The following ADSS2 variants were observed in gnomAD, a reference collection of about 807,000 sequenced individuals.
ADSS2 encodes adenylosuccinate synthetase isozyme 2.
Under a neutral mutation model 60.0 loss-of-function variants are expected in ADSS2, and 30 were observed. The ratio of observed to expected loss-of-function variants is 0.50; its 90% CI spans 0.37 to 0.68. ADSS2 has a LOEUF of 0.68. Among genes scored for constraint, ADSS2 ranks in the 30% least tolerant of loss-of-function variants. ADSS2 has a pLI of 0.00. For synonymous variants in ADSS2, 187 were observed against 193.1 expected (o/e 0.97, Z 0.26); for missense variants, 373 against 554.8 (o/e 0.67, Z 3.29).
At chr1:244,423,256 G>T (rs918643811) in intron 6 of ADSS2, among the ~76,000 whole-genome samples, 3 of 152,058 alleles carry the variant, frequency 2.0e-5, no homozygotes, top group African/African-American at 7.3e-5. Context: ...AACAAAAGGG[G>T]GCAGTTTACA....
At chr1:244,420,129 C>G in intron 8 of ADSS2, 41 bp downstream of exon 8, 1 of 1,576,614 alleles carries the variant, frequency 6.3e-7, no homozygotes, top group Non-Finnish European at 8.6e-7. Context: ...CTACTTAGGG[C>G]TCAGTTAAGC....
chr1:244,417,647 T>C lies in ADSS2; in HGVS notation c.1051A>G (p.Met351Val). ...ACTCACGCAGTAAATCCATTGATCA[T>C]ATGAGCATATTTGAGCAAAACGAGG... ...LDLVLLKYAH[M>V]INGFTALALT... The change falls in exon 10 of 13, where the codon ATG becomes GTG. Residue 351 changes from methionine to valine, a missense_variant. By Grantham distance (21) the Met-to-Val change is conservative. This residue lies in a region of ADSS2 where 130 missense variants were observed against 169.4 expected (regional missense o/e 0.77). Transcript: ENST00000366535. The C allele has an allele frequency of 1.2e-6, 2 of 1,612,370 alleles. No homozygotes were observed. The highest frequency in any genetic ancestry group is 2.2e-5 in the East Asian group (1 of 44,860).
At chr1:244,423,204 C>T (rs1220018196) in intron 6 of ADSS2, among the ~76,000 whole-genome samples, 1 of 152,112 alleles carries the variant, frequency 6.6e-6, no homozygotes, top group Non-Finnish European at 1.5e-5. Context: ...TCTGTAAACA[C>T]AAAAGACTTA....
At chr1:244,442,660 A>G (rs1328594997) in intron 1 of ADSS2, among the ~76,000 whole-genome samples, 1 of 152,180 alleles carries the variant, frequency 6.6e-6, no homozygotes, top group Non-Finnish European at 1.5e-5. Context: ...CACACTACAC[A>G]GAAGGGTCTT....
intron 11 of ADSS2, among the ~76,000 whole-genome samples, chr1:244,415,060 T>G (rs1055660531): frequency 4.6e-5 from 7 of 152,234 alleles, no homozygotes; most frequent in African/African-American, 1.7e-4. Flanking sequence ...GCTTTAAAAT[T>G]AAACACATGA....
chr1:244,432,396 A>C (rs112813237), intron 4 of ADSS2, 149 bp downstream of exon 4: 20,097 of 549,020 alleles, frequency 0.037, 428 homozygotes, highest in Middle Eastern at 0.055. Flanking sequence ...AAAATTAGTA[A>C]GTATTTTTTG....
intron 10 of ADSS2, 37 bp downstream of exon 10, chr1:244,417,591 T>C (rs1040494212): frequency 8.1e-6 from 13 of 1,606,326 alleles, no homozygotes; most frequent in African/African-American, 4.0e-5. Context: ...TAATCATCTA[T>C]GATTTCCTGA....
At chr1:244,413,155 T>C (rs1395252960) in intron 11 of ADSS2, among the ~76,000 whole-genome samples, 1 of 152,134 alleles carries the variant, frequency 6.6e-6, no homozygotes, top group African/African-American at 2.4e-5. Flanking sequence ...CAGCAGGTGG[T>C]AGAACAAAGT....
chr1:244,423,786 C>A (rs1308702096), intron 6 of ADSS2, among the ~76,000 whole-genome samples, 167 bp downstream of exon 6: 2 of 152,016 alleles, frequency 1.3e-5, no homozygotes, highest in African/African-American at 4.8e-5. Context: ...TAATCTGTAA[C>A]CAAGGATGAA....
chr1:244,437,660 A>G lies in ADSS2; in HGVS notation c.286+6T>C. ...AATCTCCATGCAGTTCAGTTTATAT[A>G]CTTACCAATGAATGCAGTGACATTT... On this transcript the variant is annotated splice_donor_region_variant and intron_variant, in intron 2 of 12. Transcript: ENST00000366535. The G allele has an allele frequency of 6.4e-7, 1 of 1,554,416 alleles. No homozygotes were observed. The highest frequency in any genetic ancestry group is 8.9e-7 in the Non-Finnish European group (1 of 1,127,152).
chr1:244,443,072 G>C (rs145621295), intron 1 of ADSS2, among the ~76,000 whole-genome samples: 1 of 152,334 alleles, frequency 6.6e-6, no homozygotes, highest in Non-Finnish European at 1.5e-5. Context: ...ATGAGCAACA[G>C]CAAGGATGTG....
At chr1:244,432,159 G>C (rs896450256) in intron 4 of ADSS2, among the ~76,000 whole-genome samples, 2 of 152,116 alleles carry the variant, frequency 1.3e-5, no homozygotes, top group African/African-American at 2.4e-5. Context: ...CACTTAAAAA[G>C]CAATAACTAC....
chr1:244,446,587 T>C (rs1432194297), intron 1 of ADSS2, among the ~76,000 whole-genome samples: 1 of 152,238 alleles, frequency 6.6e-6, no homozygotes, highest in East Asian at 1.9e-4. Flanking sequence ...ATACCTTATA[T>C]TTTAGACCTA....
intron 11 of ADSS2, among the ~76,000 whole-genome samples, chr1:244,413,793 A>G (rs1393437962): frequency 1.3e-5 from 2 of 152,142 alleles, no homozygotes; most frequent in Admixed American, 1.3e-4. Context: ...CTGAAAAGGA[A>G]GGGACAGGGT....
Position 244,451,646 on chromosome 1 carries a change from A to C in ADSS2, c.172T>G (p.Cys58Gly). 1 of 1,610,230 alleles carries C rather than the reference A, an allele frequency of 6.2e-7. No homozygotes were observed. Among genetic ancestry groups the C allele is most frequent in the Non-Finnish European group, 8.5e-7 (1 of 1,178,210 alleles). Reference protein sequence around the residue: ...DLLAQDADIVCRCQGGNNAGH... With the variant: ...DLLAQDADIVGRCQGGNNAGH... Reference sequence around the variant, plus strand: ...CCCCGTCGCCTCACCTGGCAGCGGCACACGATGTCGGCGTCCTGCGCCAGC... The same window carrying C: ...CCCCGTCGCCTCACCTGGCAGCGGCCCACGATGTCGGCGTCCTGCGCCAGC... Residue 58 changes from cysteine (C) to glycine (G), a missense_variant, in exon 1 of 13, where the codon TGC becomes GGC. Physicochemically the swap from Cys to Gly is radical, Grantham distance 159. This residue lies in a region of ADSS2 where 29 missense variants were observed against 73.3 expected (regional missense o/e 0.40). Transcript: ENST00000366535. This position sits in a 1 kb window ranked among gnomAD's most constrained non-coding sequence, Gnocchi z 6.6.
chr1:244,426,161 A>T (rs1664799234), intron 4 of ADSS2, among the ~76,000 whole-genome samples: 1 of 152,198 alleles, frequency 6.6e-6, no homozygotes, highest in South Asian at 2.1e-4. Flanking sequence ...GGCTGTTTTA[A>T]ACCCTGATTT....
At position 244,422,857 on chromosome 1, in the gene ADSS2, T is replaced by C. The variant is rs763089080; in HGVS notation, c.641A>G (p.Glu214Gly). 6 of 1,598,550 alleles carry C rather than the reference T, an allele frequency of 3.8e-6. No individual in the cohort carries two copies. In the South Asian group the frequency reaches 4.4e-5, roughly 12 times the overall value. ...SIYPTLEIDI[E>G]GELQKLKGYM... The stretch of plus-strand genomic sequence containing the variant: ...TACCTTGAGTTTTTGTAATTCACCT[T>C]CAATGTCTATTTCCAAAGTGGGGTA... The change falls in exon 7 of 13, where the codon GAA becomes GGA. Residue 214 changes from glutamate to glycine, a missense_variant. By Grantham distance (98) the Glu-to-Gly change is moderately conservative. Around this residue, in one of 5 missense-constraint regions of ADSS2, gnomAD observed 139 missense variants for 189.4 expected, o/e 0.73. Transcript: ENST00000366535.
chr1:244,451,674 G>A lies in ADSS2; in HGVS notation c.144C>T (p.Asp48=). 6.2e-7 allele frequency: 1 copy of A among 1,612,376 alleles called. No homozygotes were observed. Among genetic ancestry groups the A allele is most frequent in the Non-Finnish European group, 8.5e-7 (1 of 1,179,244 alleles). Reference sequence around the variant, plus strand: ...CGATGTCGGCGTCCTGCGCCAGCAGGTCCACCACCTTCCCTTTGCCTTCGT... The same window carrying A: ...CGATGTCGGCGTCCTGCGCCAGCAGATCCACCACCTTCCCTTTGCCTTCGT... ...WGDEGKGKVV[D]LLAQDADIVC... The change falls in exon 1 of 13, where the codon GAC becomes GAT. Residue 48 remains aspartate, a synonymous_variant. Transcript: ENST00000366535. The surrounding 1 kb of genome is among the most constrained non-coding windows in gnomAD (Gnocchi z 6.6).
At chr1:244,448,409 T>C (rs1665446550) in intron 1 of ADSS2, among the ~76,000 whole-genome samples, 1 of 152,218 alleles carries the variant, frequency 6.6e-6, no homozygotes, top group South Asian at 2.1e-4. Context: ...TATAAACATA[T>C]ATCAAGTGAT....
Sources: gnomAD v4.1 joint callset for allele counts (sites outside exome capture counted in the v4.1 genomes callset) on GRCh38, gnomAD v4.1.1 for gene constraint, gnomAD v4.1.1 regional missense constraint, Gnocchi (gnomAD v3.1) non-coding constraint, MANE v1.5 for transcripts, NCBI Gene and HGNC (gene_info 2026-07-23, HGNC 2026-07-21) for gene names.